Variants in ATRNL1 observed in about 807,000 individuals in gnomAD.
ATRNL1 encodes the protein attractin like 1, also known as attractin-like protein 1.
ATRNL1 carries 95 observed loss-of-function variants against 182.7 expected under a neutral mutation model. The observed-to-expected ratio is 0.52, with a 90% CI of 0.44 to 0.62. ATRNL1 has a LOEUF of 0.62. Among genes scored for constraint, ATRNL1 ranks in the 20% least tolerant of loss-of-function variants. ATRNL1 has a pLI of 0.00. For synonymous variants in ATRNL1, 576 were observed against 568.3 expected, an observed-to-expected ratio of 1.01 and a Z score of -0.19; for missense variants, 1,471 against 1,679.5, an observed-to-expected ratio of 0.88 and a Z score of 2.17.
At chr10:115,723,871 TA>T (rs1178310860) in intron 26 of ATRNL1, among the ~76,000 whole-genome samples, 1 of 152,160 alleles carries the variant, frequency 6.6e-6, no homozygotes, top group African/African-American at 2.4e-5. Flanking sequence ...ATATCATTTT[TA>T]ATTCCATGGT....
chr10:115,510,090 G>A (rs1158163966), intron 24 of ATRNL1, among the ~76,000 whole-genome samples: 2 of 151,990 alleles, frequency 1.3e-5, no homozygotes, highest in African/African-American at 2.4e-5. Context: ...GGAGATGTAC[G>A]GAATTGCTGC....
intron 20 of ATRNL1, among the ~76,000 whole-genome samples, chr10:115,410,165 A>G (rs1554959540): frequency 6.6e-6 from 1 of 151,958 alleles, no homozygotes. Context: ...TCCATCAGTG[A>G]TATTAGCCTA....
At chr10:115,757,313 T>C (rs570912684) in intron 27 of ATRNL1, among the ~76,000 whole-genome samples, 2 of 152,260 alleles carry the variant, frequency 1.3e-5, no homozygotes, top group African/African-American at 4.8e-5. Context: ...TTTCTTTCCA[T>C]GTGTAGTACT....
intron 26 of ATRNL1, among the ~76,000 whole-genome samples, chr10:115,689,433 C>A (rs1304658729): frequency 2.6e-5 from 4 of 152,150 alleles, no homozygotes; most frequent in African/African-American, 9.7e-5. Context: ...TCCCGCAAAA[C>A]AAAGTATATT....
intron 13 of ATRNL1, among the ~76,000 whole-genome samples, chr10:115,271,382 C>A (rs1190445981): frequency 6.6e-6 from 1 of 152,076 alleles, no homozygotes; most frequent in Non-Finnish European, 1.5e-5. Context: ...GTGCTGCACT[C>A]ATTAATTCGT....
At chr10:115,839,026 T>G (rs1391966073) in intron 27 of ATRNL1, among the ~76,000 whole-genome samples, 2 of 152,210 alleles carry the variant, frequency 1.3e-5, no homozygotes, top group Non-Finnish European at 2.9e-5. Context: ...TCATTTATTA[T>G]GTGGATCTAT....
intron 5 of ATRNL1, among the ~76,000 whole-genome samples, chr10:115,140,160 G>A (rs913216290): frequency 6.6e-6 from 1 of 152,246 alleles, no homozygotes; most frequent in South Asian, 2.1e-4. Context: ...CTGCTTAATA[G>A]TATCTGCTTG....
At chr10:115,865,247 A>G (rs1030687255) in intron 28 of ATRNL1, among the ~76,000 whole-genome samples, 1 of 152,164 alleles carries the variant, frequency 6.6e-6, no homozygotes, top group Non-Finnish European at 1.5e-5. Flanking sequence ...TTGATTTTCC[A>G]GTGTTAATCA....
chr10:115,654,400 G>A (rs1054158345), intron 26 of ATRNL1, among the ~76,000 whole-genome samples: 7 of 151,738 alleles, frequency 4.6e-5, no homozygotes, highest in Non-Finnish European at 7.4e-5. Flanking sequence ...TGTATTTTTA[G>A]TAGAGACGGG....
Position 115,586,607 on chromosome 10 carries a change from G to C in ATRNL1, c.3795+37071G>C, listed in dbSNP as rs1364303302. ...CGAGCCTTGGTTTTCAGCTCCATCAGCTCCTTTAAGCACTTCTCTGTATTG... is the reference window on the plus strand; with the variant it reads ...CGAGCCTTGGTTTTCAGCTCCATCACCTCCTTTAAGCACTTCTCTGTATTG... On this transcript the variant is annotated intron_variant, in intron 26 of 28. Coordinates refer to ENST00000355044, the MANE Select transcript of ATRNL1 (RefSeq NM_207303.4). 9.1e-5 allele frequency among the ~76,000 whole-genome samples: 10 copies of C among 109,294 alleles called. 1 individual carries two copies. Among genetic ancestry groups the C allele is most frequent in the Non-Finnish European group, 2.0e-4 (10 of 49,326 alleles). The allele number at this position is 109,294 out of a possible 152,430, so 71.7% of individuals were successfully genotyped here. A position where few individuals can be genotyped will look rare whatever the true frequency, so the allele number is the denominator to read the frequency against.
chr10:115,778,025 A>C (rs1024973945), intron 27 of ATRNL1, among the ~76,000 whole-genome samples: 8 of 152,256 alleles, frequency 5.3e-5, no homozygotes, highest in South Asian at 2.1e-4. Context: ...ACAATTGAAT[A>C]AAGAGTAATG....
chr10:115,182,613 A>G (rs1847791159), intron 8 of ATRNL1, among the ~76,000 whole-genome samples: 1 of 151,602 alleles, frequency 6.6e-6, no homozygotes. Context: ...TTTAGGAGAC[A>G]TTTACAACAT....
At chr10:115,651,223 G>T (rs368485806) in intron 26 of ATRNL1, among the ~76,000 whole-genome samples, 1 of 152,060 alleles carries the variant, frequency 6.6e-6, no homozygotes, top group Non-Finnish European at 1.5e-5. Context: ...GCTACTAGAC[G>T]TGGAGTGAGA....
intron 26 of ATRNL1, among the ~76,000 whole-genome samples, chr10:115,723,396 G>C (rs17093509): frequency 0.15 from 22,523 of 152,030 alleles, 2,192 homozygotes; most frequent in East Asian, 0.25. Flanking sequence ...GTTTGGAAAG[G>C]TAGCTAGTAT....
chr10:115,566,471 G>T (rs1419060524), intron 26 of ATRNL1, among the ~76,000 whole-genome samples: 1 of 151,938 alleles, frequency 6.6e-6, no homozygotes, highest in Admixed American at 6.6e-5. Context: ...TTTTATCTTA[G>T]GTTATTGATA....
chr10:115,701,494 A>G (rs1401578505), intron 26 of ATRNL1, among the ~76,000 whole-genome samples: 13 of 152,052 alleles, frequency 8.5e-5, no homozygotes, highest in Non-Finnish European at 1.8e-4. Context: ...ATCCATACAA[A>G]GAATCAACAA....
chr10:115,754,627 G>C (rs537560445), intron 27 of ATRNL1, among the ~76,000 whole-genome samples: 11 of 152,214 alleles, frequency 7.2e-5, no homozygotes, highest in East Asian at 3.9e-4. Flanking sequence ...TGTTCTTTTT[G>C]ACTAGGATTG....
intron 19 of ATRNL1, among the ~76,000 whole-genome samples, chr10:115,361,872 A>G (rs1564954021): frequency 6.6e-6 from 1 of 152,090 alleles, no homozygotes; most frequent in Non-Finnish European, 1.5e-5. Context: ...ATTATTGTTT[A>G]TGATCATGTT....
chr10:115,237,487 G>A (rs938551760), intron 9 of ATRNL1, among the ~76,000 whole-genome samples: 1 of 152,220 alleles, frequency 6.6e-6, no homozygotes, highest in Non-Finnish European at 1.5e-5. Context: ...GACATGTAAT[G>A]TGGGATATCT....
Sources: allele counts gnomAD v4.1 joint callset (sites outside exome capture counted in the v4.1 genomes callset), GRCh38; gene constraint gnomAD v4.1.1; transcripts MANE v1.5; gene names NCBI Gene and HGNC (gene_info 2026-07-23, HGNC 2026-07-21).